The following PLCB1 variants were observed in gnomAD, a reference collection of about 807,000 sequenced individuals.
PLCB1 encodes 1-phosphatidylinositol 4,5-bisphosphate phosphodiesterase beta-1.
A neutral mutation model predicts 161.8 loss-of-function variants in PLCB1; 46 were observed. The observed-to-expected ratio is 0.28, with a 90% CI of 0.22 to 0.36. The LOEUF (loss-of-function observed/expected upper bound fraction) is 0.36. Among genes scored for constraint, PLCB1 ranks in the 10% least tolerant of loss-of-function variants. PLCB1 has a pLI of 1.00. For missense variants in PLCB1, 1,016 were observed against 1,472.5 expected, an observed-to-expected ratio of 0.69 and a Z score of 5.07; for synonymous variants, 517 against 503.7, an observed-to-expected ratio of 1.03 and a Z score of -0.35.
chr20:8,774,797 A>G (rs747356669), intron 27 of PLCB1, 78 bp downstream of exon 27: 89 of 1,238,618 alleles, frequency 7.2e-5, no homozygotes, highest in Non-Finnish European at 9.5e-5. Context: ...TTGGATAACT[A>G]AAAGGAGACA....
chr20:8,832,870 C>T (rs2062704921), intron 31 of PLCB1, among the ~76,000 whole-genome samples: 1 of 152,186 alleles, frequency 6.6e-6, no homozygotes, highest in South Asian at 2.1e-4. Context: ...CAAAGGCCCA[C>T]ATCCCTCAGA....
At chr20:8,741,237 C>T (rs1229846907) in intron 22 of PLCB1, among the ~76,000 whole-genome samples, 1 of 152,090 alleles carries the variant, frequency 6.6e-6, no homozygotes, top group Non-Finnish European at 1.5e-5. Flanking sequence ...GAGTCCTAAC[C>T]CTTGTCCATG....
chr20:8,434,828 C>T (rs766389230), intron 3 of PLCB1, among the ~76,000 whole-genome samples: 1 of 152,118 alleles, frequency 6.6e-6, no homozygotes, highest in Non-Finnish European at 1.5e-5. Flanking sequence ...TTCCCCACAT[C>T]GTGGATAATA....
chr20:8,695,695 C>T (rs768258882), intron 10 of PLCB1, among the ~76,000 whole-genome samples: 8 of 151,964 alleles, frequency 5.3e-5, no homozygotes, highest in Non-Finnish European at 1.2e-4. Flanking sequence ...GAGTGAGATC[C>T]CATTTCAAAG....
At chr20:8,137,512 G>T (rs1015384977) in intron 1 of PLCB1, among the ~76,000 whole-genome samples, 1 of 152,214 alleles carries the variant, frequency 6.6e-6, no homozygotes, top group Non-Finnish European at 1.5e-5. Flanking sequence ...AGAGCTTTGA[G>T]AATTTCTCAT....
rs150055955 is a variant in PLCB1, at chr20:8,395,004, A to T, written c.246+23554A>T. On this transcript the variant is annotated intron_variant, in intron 3 of 31. Coordinates refer to ENST00000338037, the MANE Select transcript of PLCB1 (RefSeq NM_015192.4). ...TGGTTAAAATTGTTTAGCAAACACA[A>T]TTTTTCTTTCTATGAATGTTAATTA... Among the ~76,000 whole-genome samples the T allele has an allele frequency of 1.7e-3, 261 of 152,238 alleles. 2 individuals are homozygous for T. Among genetic ancestry groups the T allele is most frequent in the African/African-American group, 3.6e-3 (150 of 41,560 alleles).
intron 10 of PLCB1, among the ~76,000 whole-genome samples, chr20:8,685,570 CAAAAAA>C (rs72078385): frequency 4.9e-5 from 6 of 121,616 alleles, no homozygotes; most frequent in African/African-American, 1.6e-4. Context: ...ACTAAAAATA[CAAAAAA>C]AAAAAAAAAA....
At chr20:8,655,010 G>A (rs1291765988) in intron 7 of PLCB1, among the ~76,000 whole-genome samples, 1 of 151,914 alleles carries the variant, frequency 6.6e-6, no homozygotes, top group Non-Finnish European at 1.5e-5. Flanking sequence ...GTCAAGTTGG[G>A]CAAGAGAAAA....
chr20:8,262,094 G>C (rs1427846609), intron 2 of PLCB1, among the ~76,000 whole-genome samples: 1 of 151,990 alleles, frequency 6.6e-6, no homozygotes, highest in Non-Finnish European at 1.5e-5. Flanking sequence ...ACAGAGTCTT[G>C]CTCTGTCAGA....
At chr20:8,468,854 T>A (rs116203690) in intron 3 of PLCB1, among the ~76,000 whole-genome samples, 2 of 152,174 alleles carry the variant, frequency 1.3e-5, no homozygotes, top group South Asian at 4.1e-4. Context: ...GAGCCTGAGA[T>A]GCAGAGACCT....
At chr20:8,704,306 A>C (rs1978540079) in intron 11 of PLCB1, among the ~76,000 whole-genome samples, 1 of 152,088 alleles carries the variant, frequency 6.6e-6, no homozygotes, top group Non-Finnish European at 1.5e-5. Context: ...GTGAGCCAAG[A>C]TCATGCTACA....
intron 3 of PLCB1, among the ~76,000 whole-genome samples, chr20:8,566,822 T>C (rs986996169): frequency 6.6e-5 from 10 of 151,982 alleles, no homozygotes; most frequent in Admixed American, 3.9e-4. Flanking sequence ...TTTTTTTTTT[T>C]TTCAAACTAC....
intron 2 of PLCB1, among the ~76,000 whole-genome samples, chr20:8,349,294 G>A (rs1053354345): frequency 3.3e-4 from 50 of 152,260 alleles, no homozygotes; most frequent in African/African-American, 1.2e-3. Context: ...TGTATTGTCA[G>A]TAAAATGAAA....
chr20:8,330,644 T>C (rs760764698), intron 2 of PLCB1, among the ~76,000 whole-genome samples: 1 of 152,198 alleles, frequency 6.6e-6, no homozygotes, highest in Non-Finnish European at 1.5e-5. Context: ...GGATTCCTAT[T>C]TTCTTGATAG....
At chr20:8,210,308 G>T (rs755514426) in intron 2 of PLCB1, among the ~76,000 whole-genome samples, 2 of 152,048 alleles carry the variant, frequency 1.3e-5, no homozygotes, top group Non-Finnish European at 2.9e-5. Flanking sequence ...GGTGGTAATG[G>T]AAGTCTGTTT....
At chr20:8,332,473 A>T (rs1003120514) in intron 2 of PLCB1, among the ~76,000 whole-genome samples, 1 of 152,238 alleles carries the variant, frequency 6.6e-6, no homozygotes, top group Non-Finnish European at 1.5e-5. Flanking sequence ...GTGGCATATT[A>T]TCAATAATCA....
At chr20:8,158,331 A>T (rs953596616) in intron 2 of PLCB1, among the ~76,000 whole-genome samples, 1 of 152,184 alleles carries the variant, frequency 6.6e-6, no homozygotes, top group Non-Finnish European at 1.5e-5. Flanking sequence ...TGCCAACTCA[A>T]GATTGTTGAT....
intron 3 of PLCB1, among the ~76,000 whole-genome samples, chr20:8,471,209 G>C (rs1437316242): frequency 6.6e-6 from 1 of 152,138 alleles, no homozygotes; most frequent in Non-Finnish European, 1.5e-5. Flanking sequence ...TAATAAGTCT[G>C]GAGAACCATA....
chr20:8,580,681 G>A (rs552802351), intron 3 of PLCB1, among the ~76,000 whole-genome samples: 2 of 152,320 alleles, frequency 1.3e-5, no homozygotes, highest in East Asian at 3.9e-4. Flanking sequence ...GGTGCTGGGG[G>A]ATTTCAGTCA....
Sources: gnomAD v4.1 joint callset for allele counts (sites outside exome capture counted in the v4.1 genomes callset) on GRCh38, gnomAD v4.1.1 for gene constraint, MANE v1.5 for transcripts, NCBI Gene and HGNC (gene_info 2026-07-23, HGNC 2026-07-21) for gene names.